The following ZRANB1 variants were observed in gnomAD, a reference collection of about 807,000 sequenced individuals.
ZRANB1 encodes zinc finger RANBP2-type containing 1, also known as ubiquitin thioesterase ZRANB1.
A neutral mutation model predicts 80.5 loss-of-function variants in ZRANB1; 16 were observed. That is an observed-to-expected ratio of 0.20 (90% CI 0.13 to 0.30). ZRANB1 has a LOEUF of 0.30. Ranked by LOEUF, ZRANB1 falls within the 10% of genes least tolerant of loss-of-function variation. The pLI, the probability that ZRANB1 is intolerant of heterozygous loss-of-function variation, is 1.00. For missense variants in ZRANB1, 576 were observed against 862.6 expected, an observed-to-expected ratio of 0.67 and a Z score of 4.16; for synonymous variants, 291 against 293.1, an observed-to-expected ratio of 0.99 and a Z score of 0.07.
At chr10:124,934,586 C>T in the ZRANB1 span, among the ~76,000 whole-genome samples, 11 of 151,998 alleles carry the variant, frequency 7.2e-5, no homozygotes, top group African/African-American at 2.7e-4. Context: ...TAGTCTAATC[C>T]CTTTAATTTG....
chr10:124,977,207 G>T (rs533284539), intron 5 of ZRANB1, among the ~76,000 whole-genome samples: 4 of 151,640 alleles, frequency 2.6e-5, no homozygotes, highest in African/African-American at 9.7e-5. Flanking sequence ...TCCCGGACTC[G>T]AGTGTTTCTT....
chr10:124,942,416 G>A lies in ZRANB1; in HGVS notation c.-78G>A. 5 of 1,575,690 alleles carry A rather than the reference G, an allele frequency of 3.2e-6. No individual in the cohort carries two copies. Among genetic ancestry groups the A allele is most frequent in the South Asian group, 2.3e-5 (2 of 86,532 alleles). ...TTTGGGCAGCGTATTTTTGGAGGTG[G>A]AATGTAGTTATTTTAATAACCATGT... is the stretch of plus-strand genomic sequence containing the variant. On this transcript the variant is annotated 5_prime_UTR_variant, in exon 1 of 9. Coordinates refer to ENST00000359653, the MANE Select transcript of ZRANB1 (RefSeq NM_017580.3).
chr10:124,926,353 A>G, the ZRANB1 span, among the ~76,000 whole-genome samples: 1 of 152,356 alleles, frequency 6.6e-6, no homozygotes, highest in African/African-American at 2.4e-5. Context: ...TTTTGTAGTA[A>G]CACTTAAAAC....
the ZRANB1 span, among the ~76,000 whole-genome samples, chr10:124,919,252 AAGT>A: frequency 1.3e-5 from 2 of 152,224 alleles, no homozygotes; most frequent in Admixed American, 1.3e-4. Flanking sequence ...TGAATTACAA[AAGT>A]AGTCCACTGG....
chr10:124,959,479 T>C (rs1951713920), intron 1 of ZRANB1, among the ~76,000 whole-genome samples: 2 of 151,786 alleles, frequency 1.3e-5, no homozygotes, highest in South Asian at 4.2e-4. Context: ...TTTTTCCCCC[T>C]GAGATGAGAT....
chr10:124,960,516 C>T (rs143994528), intron 1 of ZRANB1, among the ~76,000 whole-genome samples: 10 of 152,240 alleles, frequency 6.6e-5, no homozygotes, highest in East Asian at 3.9e-4. Context: ...ATTGCAGCCT[C>T]GAATTCCTGG....
chr10:124,933,138 C>G, the ZRANB1 span, among the ~76,000 whole-genome samples: 2 of 132,690 alleles, frequency 1.5e-5, no homozygotes, highest in Admixed American at 7.6e-5. Flanking sequence ...TCTTTTCTTT[C>G]TTTTTTTTTT....
chr10:124,953,254 C>A (rs967708005), intron 1 of ZRANB1, among the ~76,000 whole-genome samples: 2 of 152,124 alleles, frequency 1.3e-5, no homozygotes, highest in Non-Finnish European at 2.9e-5. Context: ...TTGACAATTT[C>A]AGAAAAATTT....
At chr10:124,920,477 A>T in the ZRANB1 span, among the ~76,000 whole-genome samples, 1 of 152,164 alleles carries the variant, frequency 6.6e-6, no homozygotes, top group Non-Finnish European at 1.5e-5. Context: ...GTGGTGTTCA[A>T]GTTTCTCTGT....
the ZRANB1 span, among the ~76,000 whole-genome samples, chr10:124,922,586 G>A: frequency 0.59 from 89,463 of 150,478 alleles, 30,230 homozygotes; most frequent in Non-Finnish European, 0.75. Context: ...TCCACCACCC[G>A]GCTTGAAGTG....
chr10:124,949,528 T>C (rs1390592939), intron 1 of ZRANB1, among the ~76,000 whole-genome samples: 3 of 150,344 alleles, frequency 2.0e-5, no homozygotes, highest in African/African-American at 7.4e-5. Context: ...CACACATTTT[T>C]TTTTTTTTTT....
chr10:124,916,910 C>A, the ZRANB1 span, among the ~76,000 whole-genome samples: 33 of 152,132 alleles, frequency 2.2e-4, no homozygotes, highest in East Asian at 6.4e-3. Context: ...CTCCGGGTCC[C>A]TCGGCCGCCG....
upstream of ZRANB1, among the ~76,000 whole-genome samples, chr10:124,937,411 C>G (rs906971910): frequency 1.3e-5 from 2 of 151,716 alleles, no homozygotes; most frequent in East Asian, 3.9e-4. Flanking sequence ...GTCTTGAACT[C>G]CTGACCTCAA....
rs4020644 is a variant in ZRANB1 at position 124,943,528 on chromosome 10, AGT to A, written c.814+238_814+239del. ...GTCTCCACGCACATGCAAAAATGTG[AGT>A]GTGTGTGTGTGTGTGTATATATATA... On this transcript the variant is annotated intron_variant, in intron 1 of 8. Transcript: ENST00000359653. Among the ~76,000 whole-genome samples the A allele has an allele frequency of 3.8e-3, 570 of 148,716 alleles. 2 individuals carry two copies. The highest frequency in any genetic ancestry group is 0.012 in the African/African-American group (501 of 40,870).
intron 1 of ZRANB1, among the ~76,000 whole-genome samples, chr10:124,947,594 T>C (rs1051805484): frequency 9.9e-5 from 15 of 152,170 alleles, no homozygotes; most frequent in African/African-American, 3.6e-4. Context: ...TTTCCTGGAG[T>C]GTTTAAAAAC....
chr10:124,924,151 G>T, the ZRANB1 span, among the ~76,000 whole-genome samples: 14 of 151,558 alleles, frequency 9.2e-5, no homozygotes, highest in African/African-American at 3.1e-4. Context: ...TGATCTGCCC[G>T]CCTTGGCCTC....
At chr10:124,919,273 C>T in the ZRANB1 span, among the ~76,000 whole-genome samples, 2 of 152,260 alleles carry the variant, frequency 1.3e-5, no homozygotes, top group East Asian at 3.9e-4. Flanking sequence ...TGGCCGGGCC[C>T]GTGGCTCATG....
At position 124,983,596 on chromosome 10, in the gene ZRANB1, C is replaced by T; in HGVS notation, c.1816C>T (p.Leu606Phe). ...GYGNRGAGANLNTDDDVTITF... is the reference protein window; with the variant it reads ...GYGNRGAGANFNTDDDVTITF... ...TGGCAACCGAGGTGCTGGTGCTAAT[C>T]TCAATACCGATGATGATGTCACCAT... The change falls in exon 8 of 9, where the codon CTC becomes TTC. Residue 606 changes from leucine to phenylalanine, a missense_variant. Leu to Phe is a conservative substitution (Grantham distance 22). Transcript: ENST00000359653. This position sits in a 1 kb window ranked among gnomAD's most constrained non-coding sequence, Gnocchi z 6.2. 1 of 1,614,098 alleles carries T rather than the reference C, an allele frequency of 6.2e-7. No individual in the cohort carries two copies. The highest frequency in any genetic ancestry group is 8.5e-7 in the Non-Finnish European group (1 of 1,180,010).
intron 1 of ZRANB1, among the ~76,000 whole-genome samples, chr10:124,952,614 C>CT (rs548261343): frequency 0.094 from 13,875 of 147,996 alleles, 863 homozygotes; most frequent in Admixed American, 0.17. Flanking sequence ...CAAATAATAT[C>CT]TTTTTTTTTT....
Sources: allele counts gnomAD v4.1 joint callset (sites outside exome capture counted in the v4.1 genomes callset), GRCh38; gene constraint gnomAD v4.1.1; non-coding constraint Gnocchi (gnomAD v3.1); transcripts MANE v1.5; gene names NCBI Gene and HGNC (gene_info 2026-07-23, HGNC 2026-07-21).